Variants in DARS1 observed in about 807,000 individuals in gnomAD.
The protein encoded by DARS1 is aspartate--tRNA ligase, cytoplasmic.
DARS1 carries 51 observed loss-of-function variants against 68.8 expected under a neutral mutation model. The ratio of observed to expected loss-of-function variants is 0.74; its 90% CI spans 0.59 to 0.94. The LOEUF is 0.94. DARS1 is among the 40% of genes least tolerant of loss of function. The probability of loss-of-function intolerance (pLI) is 0.00; values close to 1 mark genes in which losing one functional copy is unlikely to be tolerated. For missense variants in DARS1, 607 were observed against 597.3 expected (o/e 1.02, Z -0.17); for synonymous variants, 203 against 190.4 (o/e 1.07, Z -0.55).
At chr2:135,984,816 T>C (rs1682733676) in intron 1 of DARS1, among the ~76,000 whole-genome samples, 2 of 152,254 alleles carry the variant, frequency 1.3e-5, no homozygotes, top group African/African-American at 4.8e-5. Context: ...GTGTTATGAA[T>C]TATCCACGTG....
intron 4 of DARS1, among the ~76,000 whole-genome samples, chr2:135,959,974 C>A (rs915138474): frequency 6.6e-6 from 1 of 152,094 alleles, no homozygotes; most frequent in African/African-American, 2.4e-5. Context: ...TCTATGTCTG[C>A]GGTTTCCAGG....
At chr2:135,919,020 T>C (rs1681058843) in intron 10 of DARS1, among the ~76,000 whole-genome samples, 1 of 152,172 alleles carries the variant, frequency 6.6e-6, no homozygotes, top group African/African-American at 2.4e-5. Flanking sequence ...TTAAGATCAG[T>C]GATTGATTTC....
At chr2:135,979,435 T>C (rs1682573977) in intron 2 of DARS1, 69 bp from the exon 3 acceptor site, 2 of 790,858 alleles carry the variant, frequency 2.5e-6, no homozygotes, top group Non-Finnish European at 4.4e-6. Context: ...AAAGAGATCA[T>C]AATTATTTTT....
chr2:135,964,777 G>A (rs537502777), intron 3 of DARS1, among the ~76,000 whole-genome samples: 22 of 143,206 alleles, frequency 1.5e-4, no homozygotes, highest in Non-Finnish European at 2.2e-4. Context: ...GCAGGCGGAG[G>A]TTGCAATGAG....
chr2:135,949,143 G>T (rs1681788245), intron 4 of DARS1, among the ~76,000 whole-genome samples: 1 of 152,010 alleles, frequency 6.6e-6, no homozygotes, highest in Non-Finnish European at 1.5e-5. Flanking sequence ...TTCAGAATCA[G>T]AATACCTCTA....
At chr2:135,971,614 T>G (rs988636321) in intron 3 of DARS1, among the ~76,000 whole-genome samples, 1 of 151,934 alleles carries the variant, frequency 6.6e-6, no homozygotes, top group African/African-American at 2.4e-5. Context: ...GAGAAAAAAA[T>G]AAAGGGCATC....
intron 15 of DARS1, among the ~76,000 whole-genome samples, chr2:135,909,411 ACT>A (rs1340613274): frequency 3.3e-5 from 5 of 152,174 alleles, no homozygotes; most frequent in African/African-American, 1.2e-4. Flanking sequence ...ATGATGTGAC[ACT>A]CTGATACACT....
At chr2:135,941,704 C>T (rs2104817656) in intron 5 of DARS1, among the ~76,000 whole-genome samples, 1 of 151,538 alleles carries the variant, frequency 6.6e-6, no homozygotes, top group Non-Finnish European at 1.5e-5. Flanking sequence ...AAAGAAACTA[C>T]CATCAGAGTG....
intron 1 of DARS1, among the ~76,000 whole-genome samples, chr2:135,984,648 G>A (rs2104854299): frequency 6.6e-6 from 1 of 152,292 alleles, no homozygotes; most frequent in South Asian, 2.1e-4. Context: ...AGTATTCTAA[G>A]ATGACCTTAC....
chr2:135,985,418 G>C lies in DARS1; in HGVS notation c.51C>G (p.Ile17Met). ...GGAAACCCACTTCCGCCGCGTCCAT[G>C]ATCTCCCGCGGCTTCTCCTGACTCT... ...SRKSQEKPRE[I>M]MDAAEDYAKE... Residue 17 changes from isoleucine (I) to methionine (M), a missense_variant, in exon 1 of 16, where the codon ATC becomes ATG. By Grantham distance (10) the Ile-to-Met change is conservative. Coordinates refer to ENST00000264161, the MANE Select transcript of DARS1 (RefSeq NM_001349.4). 2 of 1,613,908 alleles carry C rather than the reference G, an allele frequency of 1.2e-6. No homozygotes were observed. The highest frequency in any genetic ancestry group is 1.7e-6 in the Non-Finnish European group (2 of 1,179,946).
chr2:135,912,594 T>C (rs937726073), intron 12 of DARS1, 28 bp from the exon 13 acceptor site: 12 of 770,826 alleles, frequency 1.6e-5, no homozygotes, highest in Non-Finnish European at 2.4e-5. Context: ...GCAATTAAAA[T>C]ACATTTTTAA....
chr2:135,955,143 CAAAA>C (rs76946722), intron 4 of DARS1, among the ~76,000 whole-genome samples: 4 of 109,580 alleles, frequency 3.7e-5, no homozygotes, highest in Admixed American at 1.9e-4. Flanking sequence ...TTACCACCAC[CAAAA>C]AAAAAAAAAA....
intron 4 of DARS1, among the ~76,000 whole-genome samples, chr2:135,957,270 C>T (rs1375115913): frequency 1.3e-5 from 2 of 151,998 alleles, no homozygotes; most frequent in Non-Finnish European, 2.9e-5. Context: ...CTCTGTCGCC[C>T]AGGCTGGAGT....
At chr2:135,923,540 G>A (rs552418996) in intron 8 of DARS1, among the ~76,000 whole-genome samples, 6 of 151,864 alleles carry the variant, frequency 4.0e-5, no homozygotes, top group African/African-American at 1.5e-4. Context: ...CACCCACCTC[G>A]GCTTCCCAAA....
intron 4 of DARS1, among the ~76,000 whole-genome samples, chr2:135,945,606 C>T (rs764835683): frequency 1.3e-5 from 2 of 152,166 alleles, no homozygotes; most frequent in Non-Finnish European, 2.9e-5. Context: ...GGACCTGAAA[C>T]ATGGAACTAT....
chr2:135,958,390 G>A lies in DARS1; in HGVS notation c.320+3006C>T, dbSNP rs538376993. Among the ~76,000 whole-genome samples the A allele has an allele frequency of 7.6e-4, 115 of 152,172 alleles. 3 individuals carry two copies. The highest frequency in any genetic ancestry group is 2.3e-3 in the African/African-American group (96 of 41,532). On this transcript the variant is annotated intron_variant, in intron 4 of 15. Transcript: ENST00000264161. The stretch of plus-strand genomic sequence containing the variant: ...TAATTTTTGCTTTCACAATTTTAGC[G>A]CATACCCATTTTATGCGCTAAAACA...
chr2:135,933,675 A>G (rs1681403559), intron 6 of DARS1, among the ~76,000 whole-genome samples: 1 of 152,160 alleles, frequency 6.6e-6, no homozygotes, highest in African/African-American at 2.4e-5. Flanking sequence ...CCAATACTGT[A>G]AATATTGATA....
intron 3 of DARS1, among the ~76,000 whole-genome samples, chr2:135,978,142 C>CAAAAAAAAAAAAAAAAA (rs59505882): frequency 1.4e-3 from 79 of 54,702 alleles, no homozygotes; most frequent in East Asian, 1.8e-3. Context: ...GACTCTGTCT[C>CAAAAAAAAAAAAAAAAA]AAAAAAAAAA....
intron 4 of DARS1, among the ~76,000 whole-genome samples, chr2:135,959,229 TAAAAATAC>T (rs1388401283): frequency 2.7e-5 from 4 of 150,900 alleles, no homozygotes; most frequent in Admixed American, 2.6e-4. Flanking sequence ...TCGTCTCTAC[TAAAAATAC>T]AAAAGTAGCT....
Sources: gnomAD v4.1 joint callset for allele counts (sites outside exome capture counted in the v4.1 genomes callset) on GRCh38, gnomAD v4.1.1 for gene constraint, MANE v1.5 for transcripts, NCBI Gene and HGNC (gene_info 2026-07-23, HGNC 2026-07-21) for gene names.